The following KLHL29 variants were observed in gnomAD, a reference collection of about 807,000 sequenced individuals.
The protein encoded by KLHL29 is kelch-like protein 29.
Under a neutral mutation model 80.4 loss-of-function variants are expected in KLHL29, and 21 were observed. That is an observed-to-expected ratio of 0.26 (90% CI 0.19 to 0.38). KLHL29 has a LOEUF of 0.38. Ranked by LOEUF, KLHL29 falls within the 10% of genes least tolerant of loss-of-function variation. KLHL29 has a pLI of 1.00. For synonymous variants in KLHL29, 511 were observed against 526.8 expected (o/e 0.97, Z 0.41); for missense variants, 867 against 1,223.9 (o/e 0.71, Z 4.35).
intron 3 of KLHL29, among the ~76,000 whole-genome samples, chr2:23,612,487 G>C (rs1249046423): frequency 6.6e-6 from 1 of 152,206 alleles, no homozygotes; most frequent in African/African-American, 2.4e-5. Flanking sequence ...GTTCATGCCT[G>C]TAATCCCAGA....
intron 3 of KLHL29, chr2:23,616,578 A>G (rs1485021113): frequency 6.6e-6 from 1 of 152,232 alleles, no homozygotes; most frequent in Non-Finnish European, 1.5e-5. Flanking sequence ...CATTTTCTAG[A>G]ATAGTGAGAA....
At chr2:23,578,073 CT>C (rs1667888462) in intron 3 of KLHL29, among the ~76,000 whole-genome samples, 1 of 152,162 alleles carries the variant, frequency 6.6e-6, no homozygotes. Context: ...TTGTTTGTCC[CT>C]GGATTTCCAG....
At chr2:23,542,888 G>T (rs1666875032) in intron 2 of KLHL29, among the ~76,000 whole-genome samples, 2 of 152,326 alleles carry the variant, frequency 1.3e-5, no homozygotes, top group African/African-American at 4.8e-5. Context: ...CAGGCTCTTT[G>T]TGACCTTGGG....
At chr2:23,613,791 C>CCCACCACT (rs1468984062) in intron 3 of KLHL29, among the ~76,000 whole-genome samples, 2 of 92,984 alleles carry the variant, frequency 2.2e-5, no homozygotes, top group Non-Finnish European at 4.5e-5. Flanking sequence ...AAAAAAAAAA[C>CCCACCACT]CCACCACTCT....
At chr2:23,656,544 C>A (rs1670250158) in intron 5 of KLHL29, among the ~76,000 whole-genome samples, 1 of 152,210 alleles carries the variant, frequency 6.6e-6, no homozygotes, top group Non-Finnish European at 1.5e-5. Context: ...CTGCAAGGCC[C>A]CTTAGGGCAG....
intron 5 of KLHL29, chr2:23,643,387 CACTTGAATG>C (rs1558421475): frequency 5.6e-6 from 1 of 179,136 alleles, no homozygotes; most frequent in Non-Finnish European, 1.2e-5. Flanking sequence ...CATCTTGAGG[CACTTGAATG>C]TTTCATTTCA....
intron 2 of KLHL29, among the ~76,000 whole-genome samples, chr2:23,559,979 G>A (rs989964576): frequency 9.2e-5 from 14 of 152,292 alleles, no homozygotes; most frequent in African/African-American, 2.9e-4. Context: ...GGAGGGTTCC[G>A]GAAAGCAAGG....
intron 1 of KLHL29, among the ~76,000 whole-genome samples, chr2:23,423,247 G>A (rs905880396): frequency 1.3e-5 from 2 of 152,220 alleles, no homozygotes; most frequent in Non-Finnish European, 2.9e-5. Flanking sequence ...GTCCAGGGCC[G>A]GGCTCTGCAG....
At chr2:23,438,904 C>T (rs1358790492) in intron 1 of KLHL29, among the ~76,000 whole-genome samples, 4 of 149,236 alleles carry the variant, frequency 2.7e-5, no homozygotes, top group Non-Finnish European at 4.4e-5. Context: ...CCTCCTTGTA[C>T]CTGTGGTAGA....
chr2:23,521,841 T>C (rs2103470354), intron 2 of KLHL29, among the ~76,000 whole-genome samples: 1 of 152,372 alleles, frequency 6.6e-6, no homozygotes, highest in South Asian at 2.1e-4. Context: ...TCATTAATTA[T>C]GCAATGATGC....
chr2:23,552,781 G>A (rs1667163198), intron 2 of KLHL29, among the ~76,000 whole-genome samples: 1 of 22,340 alleles, frequency 4.5e-5, no homozygotes, highest in Non-Finnish European at 7.9e-5. Context: ...TTTTTTTTGA[G>A]ATGGCGTCTC....
chr2:23,626,626 T>C (rs1280984926), intron 3 of KLHL29, among the ~76,000 whole-genome samples: 1 of 152,218 alleles, frequency 6.6e-6, no homozygotes, highest in African/African-American at 2.4e-5. Context: ...TTGATATCTG[T>C]GTCTCCAGAA....
intron 5 of KLHL29, among the ~76,000 whole-genome samples, chr2:23,665,253 G>T (rs1288906391): frequency 1.3e-5 from 2 of 152,366 alleles, no homozygotes; most frequent in East Asian, 3.9e-4. Context: ...AGCTTGAAGG[G>T]CTGGATTGCC....
chr2:23,434,506 GCAGT>G (rs1328623899), intron 1 of KLHL29, among the ~76,000 whole-genome samples: 1 of 152,000 alleles, frequency 6.6e-6, no homozygotes, highest in African/African-American at 2.4e-5. Context: ...AAAACGTGAG[GCAGT>G]CAGTCAATTA....
intron 3 of KLHL29, among the ~76,000 whole-genome samples, chr2:23,595,780 G>T (rs745554228): frequency 6.6e-5 from 10 of 152,150 alleles, no homozygotes; most frequent in Non-Finnish European, 1.5e-4. Context: ...CCCTCTGCAG[G>T]TCCTCCTCCA....
intron 3 of KLHL29, among the ~76,000 whole-genome samples, chr2:23,613,966 A>G (rs922082787): frequency 2.6e-5 from 4 of 152,114 alleles, no homozygotes; most frequent in African/African-American, 4.8e-5. Flanking sequence ...AAGTACTAAG[A>G]TTTTAAAAAC....
At chr2:23,429,755 G>GA (rs1262230545) in intron 1 of KLHL29, among the ~76,000 whole-genome samples, 9 of 147,628 alleles carry the variant, frequency 6.1e-5, no homozygotes, top group Non-Finnish European at 4.5e-5. Context: ...CTCTGTCTAA[G>GA]AAAAAAAAAG....
chr2:23,599,525 TATAA>T (rs1487624201), intron 3 of KLHL29, among the ~76,000 whole-genome samples: 37 of 151,044 alleles, frequency 2.4e-4, no homozygotes, highest in African/African-American at 7.3e-4. Context: ...TTACATTCTA[TATAA>T]ATATTTACTA....
chr2:23,393,124 C>G (rs563994017), intron 1 of KLHL29, among the ~76,000 whole-genome samples: 1 of 152,278 alleles, frequency 6.6e-6, no homozygotes, highest in South Asian at 2.1e-4. Context: ...CGGGCTTGTT[C>G]ATGTTTGCAT....
Sources: allele counts gnomAD v4.1 joint callset (sites outside exome capture counted in the v4.1 genomes callset), GRCh38; gene constraint gnomAD v4.1.1; transcripts MANE v1.5; gene names NCBI Gene and HGNC (gene_info 2026-07-23, HGNC 2026-07-21).